The following ASTE1 variants were observed in gnomAD, a reference collection of about 807,000 sequenced individuals.
ASTE1 encodes the protein asteroid structure-specific endonuclease 1.
In ASTE1, 49 loss-of-function variants were observed where a neutral mutation model predicts 45.8. The ratio of observed to expected loss-of-function variants is 1.07; its 90% CI spans 0.85 to 1.36. The LOEUF is 1.36. Among genes scored for constraint, ASTE1 ranks in the 40% most tolerant of loss-of-function variants. The probability of loss-of-function intolerance (pLI) is 0.00; values close to 1 mark genes in which losing one functional copy is unlikely to be tolerated. For synonymous variants in ASTE1, 296 were observed against 303.9 expected (o/e 0.97, Z 0.27); for missense variants, 709 against 804.0 (o/e 0.88, Z 1.43).
chr3:131,016,328 G>A lies in ASTE1; in HGVS notation c.1525C>T (p.Leu509=), dbSNP rs1412410596. ...AIINSPGKEE[L]QEDGAKMLYA... is the part of the protein sequence containing the mutation. The stretch of plus-strand genomic sequence containing the variant: ...AACATCTTAGCACCATCTTCCTGCA[G>A]CTCTTCCTTACCTAAATAAAGAAAC... Residue 509 remains leucine (L), a synonymous_variant, in exon 5 of 6, where the codon CTG becomes TTG. Transcript: ENST00000264992. 1.2e-5 allele frequency: 20 copies of A among 1,613,980 alleles called. No individual in the cohort carries two copies. The highest frequency in any genetic ancestry group is 1.7e-5 in the Non-Finnish European group (20 of 1,180,026).
intron 5 of ASTE1, among the ~76,000 whole-genome samples, 185 bp from the exon 6 acceptor site, chr3:131,014,572 A>ATTCT (rs780557222): frequency 6.6e-6 from 1 of 152,224 alleles, no homozygotes; most frequent in Non-Finnish European, 1.5e-5. Context: ...TATGACAAAG[A>ATTCT]TTCTTTGCTG....
rs1577094530 is a variant in ASTE1, at chr3:131,015,369, A to G, written c.1709+775T>C. Reference sequence around the variant, plus strand: ...TTTTATCTTCATCTCTCCCTCAAGTACCTCCTGGATGGTCAATTACCAAGA... The same window carrying G: ...TTTTATCTTCATCTCTCCCTCAAGTGCCTCCTGGATGGTCAATTACCAAGA... On this transcript the variant is annotated intron_variant, in intron 5 of 5. Transcript: ENST00000264992. 4.9e-6 allele frequency: 3 copies of G among 606,624 alleles called. No homozygotes were observed. In the East Asian group the frequency reaches 8.5e-5, roughly 17 times the overall value. The allele number at this position is 606,624 out of a possible 1,614,324, so 37.6% of individuals were successfully genotyped here.
rs778162412 is a variant in ASTE1, at chr3:131,024,620, T to G, written c.687A>C (p.Leu229=). The G allele has an allele frequency of 2.1e-5, 34 of 1,605,392 alleles. No individual in the cohort carries two copies. Among genetic ancestry groups the G allele is most frequent in the Middle Eastern group, 3.3e-4 (2 of 6,028 alleles). ...AVLCGNDHVN[L]PIMETFLSKA... ...TACTTAAGAATGTCTCCATGATGGG[T>G]AGATTAACATGGTCATTTCCACATA... Residue 229 remains leucine, a synonymous_variant, in exon 3 of 6, where the codon CTA becomes CTC. Transcript: ENST00000264992.
chr3:131,025,218 A>G lies in ASTE1; in HGVS notation c.89T>C (p.Ile30Thr), dbSNP rs1460135674. 8 of 1,614,104 alleles carry G rather than the reference A, an allele frequency of 5.0e-6. No homozygotes were observed. Among genetic ancestry groups the G allele is most frequent in the African/African-American group, 4.0e-5 (3 of 74,950 alleles). Reference protein sequence around the residue: ...DLKLRDTKIVIDGYALFHRLC... With the variant: ...DLKLRDTKIVTDGYALFHRLC... ...ACGGTGGAAAAGAGCATAACCATCA[A>G]TGACAATTTTTGTGTCCCGCAACTT... Residue 30 changes from isoleucine to threonine, a missense_variant, in exon 3 of 6, where the codon ATT becomes ACT. Physicochemically the swap from Ile to Thr is moderately conservative, Grantham distance 89. Transcript: ENST00000264992.
At chr3:131,015,898 G>T in intron 5 of ASTE1, 1 of 603,042 alleles carries the variant, frequency 1.7e-6, no homozygotes, top group Admixed American at 2.5e-5. Flanking sequence ...ATTACTTAAA[G>T]GAACTGATTT....
At chr3:131,016,089 A>G (rs1215279202) in intron 5 of ASTE1, 55 bp downstream of exon 5, 7 of 1,580,902 alleles carry the variant, frequency 4.4e-6, no homozygotes, top group South Asian at 1.1e-5. Context: ...AAGTGAAAAT[A>G]CTGTATTTAC....
chr3:131,017,085 T>G (rs566210556), intron 4 of ASTE1: 5 of 1,275,704 alleles, frequency 3.9e-6, no homozygotes, highest in South Asian at 3.7e-5. Flanking sequence ...ACATGCCCCT[T>G]CTCTTGGACT....
In ASTE1 at chr3:131,025,170, T is replaced by G; in HGVS notation, c.137A>C (p.Asp46Ala). The G allele has an allele frequency of 6.2e-7, 1 of 1,614,214 alleles. No homozygotes were observed. ...FHRLCFSSNL[D>A]LRYGGDYDSF... ...ATCATAGTCCCCTCCATACCGGAGA[T>G]CCAAGTTTGAACTGAAGCAAAGACG... Residue 46 changes from aspartate to alanine, a missense_variant, in exon 3 of 6, where the codon GAT (aspartate) becomes GCT (alanine). Asp to Ala is a moderately radical substitution (Grantham distance 126). Transcript: ENST00000264992.
Position 131,016,456 on chromosome 3 carries a change from TG to T in ASTE1, c.1514-118del, listed in dbSNP as rs1343249809. 1.1e-5 allele frequency: 13 copies of T among 1,157,682 alleles called. No individual in the cohort carries two copies. The East Asian group carries it at 1.5e-4, about 14-fold the overall frequency. The allele number at this position is 1,157,682 out of a possible 1,614,324, so 71.7% of individuals were successfully genotyped here. A position where few individuals can be genotyped will look rare whatever the true frequency, so the allele number is the denominator to read the frequency against. On this transcript the variant is annotated intron_variant, in intron 4 of 5. Transcript: ENST00000264992. ...AGAAATTAATTTAAAAAAACTAAGA[TG>T]TTTTTCTCTTCTGGCTTCATAAATG...
chr3:131,024,803 C>T lies in ASTE1; in HGVS notation c.504G>A (p.Leu168=), dbSNP rs1560064358. Reference sequence around the variant, plus strand: ...TATTCAATGGGCAAAACCCAGTTTTCAGGTCAAAAATGCAAAAGTCACTAT... The same window carrying T: ...TATTCAATGGGCAAAACCCAGTTTTTAGGTCAAAAATGCAAAAGTCACTAT... ...SSDSDFCIFD[L]KTGFCPLNSF... Residue 168 remains leucine, a synonymous_variant, in exon 3 of 6, where the codon CTG becomes CTA. Coordinates refer to ENST00000264992, the MANE Select transcript of ASTE1 (RefSeq NM_014065.4). 1 of 1,614,116 alleles carries T rather than the reference C, an allele frequency of 6.2e-7. No homozygotes were observed. Among genetic ancestry groups the T allele is most frequent in the Non-Finnish European group, 8.5e-7 (1 of 1,180,030 alleles).
In ASTE1 at chr3:131,024,220, G is replaced by A. The variant is rs750563335; in HGVS notation, c.1087C>T (p.Pro363Ser). The change falls in exon 3 of 6, where the codon CCA becomes TCA. Residue 363 changes from proline to serine, a missense_variant. Transcript: ENST00000264992. Reference protein sequence around the residue: ...LPTQVENMQQPNAHRISQPIR... With the variant: ...LPTQVENMQQSNAHRISQPIR... ...GGCTGAGATATTCTGTGGGCATTTG[G>A]TTGCTGCATGTTTTCCACCTGTGTG... 1 of 1,614,200 alleles carries A rather than the reference G, an allele frequency of 6.2e-7. No homozygotes were observed. The highest frequency in any genetic ancestry group is 1.3e-5 in the African/African-American group (1 of 75,060).
At chr3:131,018,036 A>G (rs1462566690) in intron 4 of ASTE1, among the ~76,000 whole-genome samples, 1 of 151,628 alleles carries the variant, frequency 6.6e-6, no homozygotes, top group Non-Finnish European at 1.5e-5. Context: ...TTACATACTA[A>G]TTGAAACCTA....
chr3:131,024,240 T>G lies in ASTE1; in HGVS notation c.1067A>C (p.Gln356Pro). The part of the protein sequence containing the change: ...LVLRRTILPT[Q>P]VENMQQPNAH... ...ATTTGGTTGCTGCATGTTTTCCACC[T>G]GTGTGGGAAGAATGGTCCGTCTTAG... Residue 356 changes from glutamine (Q) to proline (P), a missense_variant, in exon 3 of 6, where the codon CAG becomes CCG. Physicochemically the swap from Gln to Pro is moderately conservative, Grantham distance 76 (BLOSUM62 -1). Transcript: ENST00000264992. 1 of 1,614,226 alleles carries G rather than the reference T, an allele frequency of 6.2e-7. No individual in the cohort carries two copies. Among genetic ancestry groups the G allele is most frequent in the Non-Finnish European group, 8.5e-7 (1 of 1,180,038 alleles).
chr3:131,022,838 T>C (rs911900707), intron 3 of ASTE1, among the ~76,000 whole-genome samples: 2 of 152,154 alleles, frequency 1.3e-5, no homozygotes, highest in African/African-American at 4.8e-5. Flanking sequence ...AGAGGCTAGT[T>C]CCTGGTCAGC....
At position 131,019,362 on chromosome 3, in the gene ASTE1, T is replaced by C. The variant is rs144282400; in HGVS notation, c.1303-646A>G. Among the ~76,000 whole-genome samples the C allele has an allele frequency of 4.9e-3, 739 of 152,348 alleles. 10 individuals carry two copies. Among genetic ancestry groups the C allele is most frequent in the African/African-American group, 0.017 (693 of 41,576 alleles). ...GGTGGCTGCTTGTAGATTAGAGGTA[T>C]ATTCAAGGGAGATAGGAATATTTTA... On this transcript the variant is annotated intron_variant, in intron 3 of 5. Coordinates refer to ENST00000264992, the MANE Select transcript of ASTE1 (RefSeq NM_014065.4).
chr3:131,019,337 G>A lies in ASTE1; in HGVS notation c.1303-621C>T, dbSNP rs139277746. On this transcript the variant is annotated intron_variant, in intron 3 of 5. Transcript: ENST00000264992. ...AAAAGACACACAGGGATTGTCCCAG[G>A]GTGGCTGCTTGTAGATTAGAGGTAT... Among the ~76,000 whole-genome samples, 734 of 152,258 alleles carry A rather than the reference G, an allele frequency of 4.8e-3. 10 individuals carry two copies. The highest frequency in any genetic ancestry group is 0.017 in the African/African-American group (692 of 41,544).
In ASTE1 at chr3:131,025,274, T is replaced by G. The variant is rs765751787; in HGVS notation, c.33A>C (p.Glu11Asp). The G allele has an allele frequency of 5.0e-6, 8 of 1,613,886 alleles. No homozygotes were observed. In the East Asian group the frequency reaches 1.8e-4, roughly 36 times the overall value. The stretch of plus-strand genomic sequence containing the variant: ...CAGTGAAGAACTCATTACTATGATC[T>G]TCCACAAAACTCATTAGTCCTCGGA... The part of the protein sequence containing the change: MGIRGLMSFV[E>D]DHSNEFFTDL... Residue 11 changes from glutamate (E) to aspartate (D), a missense_variant, in exon 3 of 6, where the codon GAA (glutamate) becomes GAC (aspartate). Coordinates refer to ENST00000264992, the MANE Select transcript of ASTE1 (RefSeq NM_014065.4).
rs1399251616 is a variant in ASTE1 at position 131,018,654 on chromosome 3, C to T, written c.1365G>A (p.Leu455=). The change falls in exon 4 of 6, where the codon CTG becomes CTA. Residue 455 remains leucine, a synonymous_variant. Coordinates refer to ENST00000264992, the MANE Select transcript of ASTE1 (RefSeq NM_014065.4). ...LETLKVKQTI[L]EPIPTSLKLP... ...ACTTCAGTGAAGTAGGGATTGGCTC[C>T]AGAATGGTCTGTTTCACCTTCAGGG... is the stretch of plus-strand genomic sequence containing the variant. The T allele has an allele frequency of 1.9e-6, 3 of 1,614,068 alleles. No individual in the cohort carries two copies. Among genetic ancestry groups the T allele is most frequent in the East Asian group, 2.2e-5 (1 of 44,880 alleles).
intron 4 of ASTE1, 100 bp from the exon 5 acceptor site, chr3:131,016,439 A>T: frequency 1.5e-6 from 2 of 1,346,760 alleles, no homozygotes; most frequent in African/African-American, 1.5e-5. Context: ...AAAGAAATTA[A>T]TTTAAAAAAA....
Sources: allele counts gnomAD v4.1 joint callset (sites outside exome capture counted in the v4.1 genomes callset), GRCh38; gene constraint gnomAD v4.1.1; transcripts MANE v1.5; gene names NCBI Gene and HGNC (gene_info 2026-07-23, HGNC 2026-07-21).